Variants in TCF12 observed in about 807,000 individuals in gnomAD.
TCF12 encodes DNA-binding protein HTF4.
In TCF12, 45 loss-of-function variants were observed where a neutral mutation model predicts 86.0. The ratio of observed to expected loss-of-function variants is 0.52; its 90% confidence interval spans 0.41 to 0.67. TCF12 has a LOEUF of 0.67. Among genes scored for constraint, TCF12 ranks in the 30% least tolerant of loss-of-function variants. The pLI is 0.00. For missense variants in TCF12, 881 were observed against 859.9 expected, an observed-to-expected ratio of 1.02 and a Z score of -0.31; for synonymous variants, 330 against 299.6, an observed-to-expected ratio of 1.10 and a Z score of -1.05.
intron 3 of TCF12, among the ~76,000 whole-genome samples, chr15:57,052,921 G>A (rs1234088469): frequency 1.3e-5 from 2 of 152,036 alleles, no homozygotes; most frequent in Non-Finnish European, 2.9e-5. Flanking sequence ...AGTTGACATG[G>A]GAATACAGAT....
chr15:57,070,067 C>G (rs1235024442), intron 4 of TCF12, among the ~76,000 whole-genome samples: 1 of 152,010 alleles, frequency 6.6e-6, no homozygotes, highest in Admixed American at 6.5e-5. Flanking sequence ...TAATAACTTC[C>G]TCACTAAAGT....
rs767816154 is a variant in TCF12, at chr15:57,244,867, C to T, written c.1114+1317C>T. 1.9e-4 allele frequency among the ~76,000 whole-genome samples: 29 copies of T among 151,660 alleles called. 1 individual carries two copies. The highest frequency in any genetic ancestry group is 6.3e-3 in the Middle Eastern group (2 of 316). On this transcript the variant is annotated intron_variant, in intron 13 of 20. Transcript: ENST00000333725. ...GAGACATGATTGATGTTATTGTAAA[C>T]GGGATTTTTTTTATTTCTTAGGAAT...
intron 3 of TCF12, among the ~76,000 whole-genome samples, chr15:57,015,668 T>C (rs1281513479): frequency 1.3e-5 from 2 of 151,876 alleles, no homozygotes; most frequent in African/African-American, 4.8e-5. Flanking sequence ...CATAGCCCCA[T>C]GTCATGTTTC....
At chr15:57,024,216 C>CTTTTTTT (rs59793819) in intron 3 of TCF12, among the ~76,000 whole-genome samples, 100 of 111,274 alleles carry the variant, frequency 9.0e-4, no homozygotes, top group African/African-American at 2.8e-3. Flanking sequence ...AAAAAAGTGT[C>CTTTTTTT]TTTTTTTTTT....
At chr15:57,205,680 T>C (rs11634926) in intron 8 of TCF12, among the ~76,000 whole-genome samples, 12,084 of 152,292 alleles carry the variant, frequency 0.079, 691 homozygotes, top group Non-Finnish European at 0.12. Flanking sequence ...TCCAAACTTA[T>C]ATTCAGTTTA....
Position 57,273,512 on chromosome 15 carries a change from C to T in TCF12, c.1978+250C>T, listed in dbSNP as rs564653423. Among the ~76,000 whole-genome samples, 292 of 152,176 alleles carry T rather than the reference C, an allele frequency of 1.9e-3. 3 individuals carry two copies. The highest frequency in any genetic ancestry group is 2.3e-3 in the African/African-American group (95 of 41,530). On this transcript the variant is annotated intron_variant, in intron 19 of 20. Transcript: ENST00000333725. ...CAAAGCAGATAACAAACAGCCTCTGCCTGCTGCTCAGCAATAGTGCTTTGT... is the reference window on the plus strand; with the variant it reads ...CAAAGCAGATAACAAACAGCCTCTGTCTGCTGCTCAGCAATAGTGCTTTGT...
intron 3 of TCF12, among the ~76,000 whole-genome samples, chr15:57,008,521 C>T (rs2141135303): frequency 6.6e-6 from 1 of 152,116 alleles, no homozygotes; most frequent in African/African-American, 2.4e-5. Context: ...TGCCTGGCTA[C>T]ATTAACTATT....
chr15:57,079,703 G>A (rs1302872731), intron 4 of TCF12, among the ~76,000 whole-genome samples: 1 of 152,120 alleles, frequency 6.6e-6, no homozygotes, highest in Non-Finnish European at 1.5e-5. Context: ...GTTAGAGAAG[G>A]AAATGCCTTT....
At chr15:57,202,357 GTTGT>G (rs1460902001) in intron 8 of TCF12, among the ~76,000 whole-genome samples, 1 of 150,972 alleles carries the variant, frequency 6.6e-6, no homozygotes, top group African/African-American at 2.4e-5. Flanking sequence ...ATTTGGCTTT[GTTGT>G]TTAAGGACCT....
intron 20 of TCF12, among the ~76,000 whole-genome samples, 187 bp downstream of exon 20, chr15:57,282,785 C>T (rs2061750827): frequency 1.3e-5 from 2 of 152,224 alleles, no homozygotes; most frequent in African/African-American, 4.8e-5. Context: ...CATTTTATAG[C>T]AAATTGCCAT....
At chr15:57,132,315 A>G (rs1396771013) in intron 5 of TCF12, among the ~76,000 whole-genome samples, 1 of 152,208 alleles carries the variant, frequency 6.6e-6, no homozygotes, top group Non-Finnish European at 1.5e-5. Context: ...CCTTTTGTGC[A>G]AAGTGTAGTA....
intron 20 of TCF12, 38 bp downstream of exon 20, chr15:57,282,636 C>T (rs2061745140): frequency 6.3e-7 from 1 of 1,584,188 alleles, no homozygotes; most frequent in Non-Finnish European, 8.6e-7. Context: ...AAGGAAATAA[C>T]CTTAAGATTC....
chr15:57,176,541 A>G (rs2055924181), intron 6 of TCF12, among the ~76,000 whole-genome samples: 1 of 152,184 alleles, frequency 6.6e-6, no homozygotes, highest in African/African-American at 2.4e-5. Flanking sequence ...GCCATACTCA[A>G]GTGGTGATAT....
intron 3 of TCF12, among the ~76,000 whole-genome samples, chr15:57,046,662 G>C (rs188548228): frequency 6.6e-6 from 1 of 151,972 alleles, no homozygotes; most frequent in Non-Finnish European, 1.5e-5. Flanking sequence ...CACCATGTTG[G>C]CCAGGCTGTT....
downstream of TCF12, among the ~76,000 whole-genome samples, chr15:57,290,279 G>A (rs943033029): frequency 2.0e-5 from 3 of 146,622 alleles, no homozygotes; most frequent in Admixed American, 2.1e-4. Context: ...GGAGGTGGAG[G>A]TTTCAGTGAG....
chr15:57,192,238 T>C lies in TCF12; in HGVS notation c.471T>C (p.Tyr157=). ...SSSGKPGTAY[Y]SFSATSSRRR... is the part of the protein sequence containing the mutation. ...CAGGAAAACCTGGGACAGCATACTA[T>C]TCATTCTCTGCTACAAGTTCCAGGA... Residue 157 remains tyrosine, a synonymous_variant, in exon 7 of 21, where the codon TAT becomes TAC. Transcript: ENST00000333725. 6.2e-7 allele frequency: 1 copy of C among 1,614,184 alleles called. No homozygotes were observed. Among genetic ancestry groups the C allele is most frequent in the African/African-American group, 1.3e-5 (1 of 75,058 alleles).
chr15:56,970,207 A>C (rs577791450), intron 3 of TCF12, among the ~76,000 whole-genome samples: 3 of 152,148 alleles, frequency 2.0e-5, no homozygotes, highest in Non-Finnish European at 4.4e-5. Flanking sequence ...TACAGCTGGG[A>C]GTGGTGGCTC....
chr15:57,197,879 C>G (rs2057350083), intron 8 of TCF12, 54 bp downstream of exon 8: 2 of 1,563,874 alleles, frequency 1.3e-6, no homozygotes, highest in South Asian at 1.1e-5. Context: ...TTCAAGTGTT[C>G]CGTATTACCT....
chr15:57,237,214 T>A (rs192109399), intron 12 of TCF12, among the ~76,000 whole-genome samples: 1 of 152,092 alleles, frequency 6.6e-6, no homozygotes, highest in East Asian at 1.9e-4. Flanking sequence ...GTCAGTAGTC[T>A]CTAACAAAAG....
Sources: gnomAD v4.1 joint callset for allele counts (sites outside exome capture counted in the v4.1 genomes callset) on GRCh38, gnomAD v4.1.1 for gene constraint, MANE v1.5 for transcripts, NCBI Gene and HGNC (gene_info 2026-07-23, HGNC 2026-07-21) for gene names.